The following FILIP1L variants were observed in gnomAD, a reference collection of about 807,000 sequenced individuals.
FILIP1L encodes the protein filamin A interacting protein 1 like, also known as filamin A-interacting protein 1-like.
A neutral mutation model predicts 96.6 loss-of-function variants in FILIP1L; 55 were observed. The ratio of observed to expected loss-of-function variants is 0.57; its 90% CI spans 0.46 to 0.71. FILIP1L has a LOEUF of 0.71. FILIP1L is among the 30% of genes least tolerant of loss of function. FILIP1L has a pLI of 0.00. For missense variants in FILIP1L, 1,304 were observed against 1,321.2 expected (o/e 0.99, Z 0.20); for synonymous variants, 467 against 473.9 (o/e 0.99, Z 0.19).
intron 4 of FILIP1L, among the ~76,000 whole-genome samples, chr3:99,902,141 T>C (rs534535117): frequency 3.9e-5 from 6 of 152,338 alleles, no homozygotes; most frequent in Non-Finnish European, 8.8e-5. Context: ...CATGATGTTA[T>C]ATTAGACATT....
chr3:99,876,141 C>G, intron 4 of FILIP1L: 1 of 986,208 alleles, frequency 1.0e-6, no homozygotes. Flanking sequence ...TGCGAGCCGA[C>G]TGTGCGCGCT....
chr3:99,996,347 C>A (rs1232067207), intron 1 of FILIP1L, among the ~76,000 whole-genome samples: 3 of 152,180 alleles, frequency 2.0e-5, no homozygotes, highest in Admixed American at 1.3e-4. Flanking sequence ...TCAGCCTGGA[C>A]CTTATTGTCC....
intron 5 of FILIP1L, among the ~76,000 whole-genome samples, chr3:99,832,259 C>T (rs1242256843): frequency 6.9e-6 from 1 of 144,608 alleles, no homozygotes; most frequent in African/African-American, 2.6e-5. Context: ...GAGACGGAGT[C>T]TCGCTGTATC....
chr3:99,850,435 T>G lies in FILIP1L; in HGVS notation c.1241A>C (p.Lys414Thr), dbSNP rs1055606998. The change falls in exon 5 of 6, where the codon AAA becomes ACA. Residue 414 changes from lysine (K) to threonine (T), a missense_variant. Physicochemically the swap from Lys to Thr is moderately conservative, Grantham distance 78 (BLOSUM62 -1). Coordinates refer to ENST00000477258, the MANE Select transcript of FILIP1L (RefSeq NM_001387850.1). ...TTTACTGAGTTTTTCAACCTCTAGT[T>G]TAAAGTCTTTACTCTGTAACGTCTC... ...ERETLQSKDF[K>T]LEVEKLSKRI... is the part of the protein sequence containing the mutation. 2.5e-6 allele frequency: 4 copies of G among 1,613,982 alleles called. No homozygotes were observed. The African/African-American group carries it at 5.3e-5, about 22-fold the overall frequency.
chr3:99,896,102 A>G (rs964774773), intron 4 of FILIP1L, among the ~76,000 whole-genome samples: 3 of 152,056 alleles, frequency 2.0e-5, no homozygotes, highest in African/African-American at 7.3e-5. Context: ...ATAAACTTTT[A>G]GAAAAAAAAA....
intron 1 of FILIP1L, among the ~76,000 whole-genome samples, chr3:99,976,099 G>C (rs1708962546): frequency 1.3e-5 from 2 of 152,026 alleles, no homozygotes; most frequent in Admixed American, 1.3e-4. Flanking sequence ...TTTCCAGGCT[G>C]GTCTCGAACT....
At chr3:99,872,588 A>G (rs1426760987) in intron 4 of FILIP1L, among the ~76,000 whole-genome samples, 1 of 151,906 alleles carries the variant, frequency 6.6e-6, no homozygotes, top group Admixed American at 6.6e-5. Context: ...CCCCACAAAC[A>G]CATCATTCCC....
At chr3:99,989,247 C>A (rs1325934487) in intron 1 of FILIP1L, among the ~76,000 whole-genome samples, 2 of 152,120 alleles carry the variant, frequency 1.3e-5, no homozygotes, top group Admixed American at 6.5e-5. Context: ...TGTTCTGATT[C>A]CTGCTTTATA....
chr3:100,049,776 T>C (rs910461332), intron 1 of FILIP1L, among the ~76,000 whole-genome samples: 2 of 152,368 alleles, frequency 1.3e-5, no homozygotes, highest in East Asian at 3.9e-4. Context: ...TAACATTTTC[T>C]TTTCTCTAGC....
At chr3:99,892,216 T>G (rs934947770) in intron 4 of FILIP1L, among the ~76,000 whole-genome samples, 3 of 152,224 alleles carry the variant, frequency 2.0e-5, no homozygotes, top group Non-Finnish European at 4.4e-5. Flanking sequence ...TTTTTCATAG[T>G]GCACTAGGCA....
chr3:99,887,008 A>C (rs1446903991), intron 4 of FILIP1L, among the ~76,000 whole-genome samples: 1 of 150,790 alleles, frequency 6.6e-6, no homozygotes, highest in East Asian at 1.9e-4. Context: ...GTGGTGGCTC[A>C]TGCCTGTAAT....
At position 99,904,137 on chromosome 3, in the gene FILIP1L, G is replaced by A. The variant is rs973330271; in HGVS notation, c.605+20093C>T. Among the ~76,000 whole-genome samples the A allele has an allele frequency of 1.3e-5, 2 of 152,338 alleles. 1 individual carries two copies. The highest frequency in any genetic ancestry group is 1.3e-4 in the Admixed American group (2 of 15,310). ...CAAGCACTTTACATTTCTGGCAATA[G>A]TGAGTGTGATGAATGTTTTTGTTAT... is the stretch of plus-strand genomic sequence containing the variant. On this transcript the variant is annotated intron_variant, in intron 4 of 5. Transcript: ENST00000477258.
At chr3:99,930,172 T>C in intron 2 of FILIP1L, 143 bp from the exon 3 acceptor site, 2 of 688,902 alleles carry the variant, frequency 2.9e-6, no homozygotes, top group African/African-American at 1.8e-5. Flanking sequence ...TTATAAAAGG[T>C]AACAAAACTA....
At chr3:100,002,489 T>A (rs954407242) in intron 1 of FILIP1L, among the ~76,000 whole-genome samples, 1 of 152,200 alleles carries the variant, frequency 6.6e-6, no homozygotes, top group Non-Finnish European at 1.5e-5. Flanking sequence ...TTTACAAGAT[T>A]TGCACACAGG....
intron 1 of FILIP1L, among the ~76,000 whole-genome samples, chr3:100,106,187 A>G (rs1237328416): frequency 6.6e-6 from 1 of 152,186 alleles, no homozygotes; most frequent in Non-Finnish European, 1.5e-5. Flanking sequence ...TGACTTATCA[A>G]AAGGATGCAG....
chr3:99,871,561 T>C (rs1944787038), intron 4 of FILIP1L, among the ~76,000 whole-genome samples: 1 of 152,176 alleles, frequency 6.6e-6, no homozygotes, highest in Non-Finnish European at 1.5e-5. Context: ...TAAAGCAGGG[T>C]AAGTACCACC....
At chr3:99,911,714 C>T (rs1404700082) in intron 4 of FILIP1L, among the ~76,000 whole-genome samples, 1 of 152,220 alleles carries the variant, frequency 6.6e-6, no homozygotes, top group Admixed American at 6.5e-5. Context: ...TCTTTCTAAT[C>T]AGATCCTTGA....
chr3:99,895,452 A>G (rs563849987), intron 4 of FILIP1L, among the ~76,000 whole-genome samples: 2 of 145,470 alleles, frequency 1.4e-5, no homozygotes, highest in Non-Finnish European at 3.0e-5. Context: ...AAGGTACTGT[A>G]TTTCCTTCCG....
At chr3:99,836,583 A>G (rs1370198075) in intron 5 of FILIP1L, among the ~76,000 whole-genome samples, 4 of 152,162 alleles carry the variant, frequency 2.6e-5, no homozygotes, top group Admixed American at 2.0e-4. Flanking sequence ...CACCATAGGT[A>G]CTTCTACATC....
Sources: allele counts gnomAD v4.1 joint callset (sites outside exome capture counted in the v4.1 genomes callset), GRCh38; gene constraint gnomAD v4.1.1; transcripts MANE v1.5; gene names NCBI Gene and HGNC (gene_info 2026-07-23, HGNC 2026-07-21).